ASTN1: variants seen among roughly 807,000 people sequenced by gnomAD.
The protein encoded by ASTN1 is astrotactin-1.
Under a neutral mutation model 140.7 loss-of-function variants are expected in ASTN1, and 41 were observed. That is an observed-to-expected ratio of 0.29 (90% confidence interval 0.23 to 0.38). The LOEUF (loss-of-function observed/expected upper bound fraction) is 0.38. Ranked by LOEUF, ASTN1 falls within the 10% of genes least tolerant of loss-of-function variation. The pLI, the probability that ASTN1 is intolerant of heterozygous loss-of-function variation, is 1.00. For missense variants in ASTN1, 1,479 were observed against 1,678.8 expected (o/e 0.88, Z 2.08); for synonymous variants, 640 against 652.2 (o/e 0.98, Z 0.29).
intron 8 of ASTN1, among the ~76,000 whole-genome samples, chr1:176,968,266 G>C (rs1672972186): frequency 6.6e-6 from 1 of 152,218 alleles, no homozygotes; most frequent in Admixed American, 6.5e-5. Context: ...AGAATCATTT[G>C]TTAAATAAGT....
rs60049769 is a variant in ASTN1 at position 176,953,916 on chromosome 1, A to T, written c.1887+3762T>A. Among the ~76,000 whole-genome samples the T allele has an allele frequency of 3.3e-3, 499 of 152,330 alleles. 3 individuals carry two copies. The highest frequency in any genetic ancestry group is 8.1e-3 in the African/African-American group (336 of 41,576). On this transcript the variant is annotated intron_variant, in intron 11 of 22. Transcript: ENST00000361833. ...ACTTTCAGAATGAGTGTGAAGTTAAAGAAGGAGCATTAGAGCATGGGTTTT... is the reference window on the plus strand; with the variant it reads ...ACTTTCAGAATGAGTGTGAAGTTAATGAAGGAGCATTAGAGCATGGGTTTT...
At chr1:177,120,656 T>C (rs1681339291) in intron 1 of ASTN1, among the ~76,000 whole-genome samples, 2 of 152,198 alleles carry the variant, frequency 1.3e-5, no homozygotes, top group South Asian at 4.1e-4. Flanking sequence ...CAGCACTTTC[T>C]TCTATAATGA....
At chr1:177,030,784 C>A (rs1437848784) in intron 4 of ASTN1, 22 bp downstream of exon 4, 1 of 1,613,758 alleles carries the variant, frequency 6.2e-7, no homozygotes, top group African/African-American at 1.3e-5. Context: ...CACCCACGAG[C>A]CCTAATGTCA....
chr1:176,959,721 G>A (rs148116078), intron 9 of ASTN1, among the ~76,000 whole-genome samples: 297 of 152,252 alleles, frequency 2.0e-3, no homozygotes, highest in African/African-American at 6.9e-3. Flanking sequence ...CAGAGCCACT[G>A]GTAGGAGGGA....
Position 176,863,425 on chromosome 1 carries a change from A to C in ASTN1, c.*859T>G. 15 of 985,864 alleles carry C rather than the reference A, an allele frequency of 1.5e-5. No individual in the cohort carries two copies. Among genetic ancestry groups the C allele is most frequent in the Non-Finnish European group, 1.7e-5 (14 of 829,928 alleles). The allele number at this position is 985,864 out of a possible 1,614,324, so 61.1% of individuals were successfully genotyped here. ...TGGATATATATTGGTAGGCTGGAGA[A>C]GTCTATCCAAAGGAAGCATGGTTTT... On this transcript the variant is annotated 3_prime_UTR_variant, in exon 23 of 23. Transcript: ENST00000361833.
chr1:177,144,345 C>T lies in ASTN1; in HGVS notation c.283+20049G>A, dbSNP rs190927247. Among the ~76,000 whole-genome samples the T allele has an allele frequency of 1.9e-3, 285 of 151,472 alleles. 1 individual carries two copies. The highest frequency in any genetic ancestry group is 6.1e-3 in the African/African-American group (253 of 41,264). ...TCGGCTCACTGCAAACTCCGCCTCC[C>T]GGGTTCACGCCATTCTCCTGCCTCA... On this transcript the variant is annotated intron_variant, in intron 1 of 22. Coordinates refer to ENST00000361833, the MANE Select transcript of ASTN1 (RefSeq NM_004319.3).
chr1:177,032,882 A>G (rs1676520397), intron 2 of ASTN1, 33 bp from the exon 3 acceptor site: 13 of 1,552,578 alleles, frequency 8.4e-6, no homozygotes, highest in African/African-American at 2.7e-5. Flanking sequence ...GGATGTGGGA[A>G]GATGGGTAGG....
chr1:176,997,228 A>G (rs895743036), intron 8 of ASTN1, among the ~76,000 whole-genome samples: 3 of 152,164 alleles, frequency 2.0e-5, no homozygotes, highest in Admixed American at 1.3e-4. Context: ...CTGCAATCCA[A>G]TGAAGCAGGT....
intron 2 of ASTN1, among the ~76,000 whole-genome samples, chr1:177,042,237 T>C (rs937782694): frequency 6.6e-6 from 1 of 152,190 alleles, no homozygotes; most frequent in Non-Finnish European, 1.5e-5. Context: ...TTGTCCCACA[T>C]ATAGAGGTAC....
At chr1:176,925,901 G>A (rs112508178) in intron 16 of ASTN1, among the ~76,000 whole-genome samples, 19,810 of 151,580 alleles carry the variant, frequency 0.13, 1,450 homozygotes, top group Admixed American at 0.19. Context: ...TGCCTCCCGG[G>A]TTCATGCCAT....
intron 2 of ASTN1, among the ~76,000 whole-genome samples, chr1:177,059,926 C>T (rs947197605): frequency 6.6e-6 from 1 of 152,166 alleles, no homozygotes; most frequent in Non-Finnish European, 1.5e-5. Flanking sequence ...TCAGTCAAGT[C>T]TCAACCTGCT....
intron 7 of ASTN1, among the ~76,000 whole-genome samples, chr1:177,018,836 G>A (rs1006085204): frequency 6.6e-6 from 1 of 152,154 alleles, no homozygotes; most frequent in Non-Finnish European, 1.5e-5. Context: ...CTTGCAAAGC[G>A]CAGGGAAAGT....
At chr1:177,129,663 C>G (rs1681846328) in intron 1 of ASTN1, among the ~76,000 whole-genome samples, 1 of 152,230 alleles carries the variant, frequency 6.6e-6, no homozygotes. Flanking sequence ...TGCATTCCAT[C>G]TTCTAATGTT....
At chr1:176,920,662 T>C (rs1670687512) in intron 16 of ASTN1, among the ~76,000 whole-genome samples, 1 of 152,178 alleles carries the variant, frequency 6.6e-6, no homozygotes, top group South Asian at 2.1e-4. Context: ...TTCCTGCTTC[T>C]CCCATGGGTT....
intron 8 of ASTN1, among the ~76,000 whole-genome samples, chr1:176,987,306 A>T (rs1023752764): frequency 5.1e-4 from 77 of 152,266 alleles, no homozygotes; most frequent in African/African-American, 1.9e-3. Context: ...AGCCATGGCC[A>T]ATATATATAT....
intron 1 of ASTN1, among the ~76,000 whole-genome samples, chr1:177,061,737 T>C (rs1038706833): frequency 6.6e-6 from 1 of 152,230 alleles, no homozygotes; most frequent in Non-Finnish European, 1.5e-5. Flanking sequence ...TATGGAATAG[T>C]CCTGGGAGGT....
intron 1 of ASTN1, among the ~76,000 whole-genome samples, chr1:177,074,642 A>G (rs1477864394): frequency 6.6e-6 from 1 of 152,236 alleles, no homozygotes; most frequent in African/African-American, 2.4e-5. Flanking sequence ...CCTTGCAGAC[A>G]AGAATCTTTT....
chr1:177,030,939 G>A lies in ASTN1; in HGVS notation c.879C>T (p.Ala293=). 6.2e-7 allele frequency: 1 copy of A among 1,612,956 alleles called. No homozygotes were observed. Among genetic ancestry groups the A allele is most frequent in the Non-Finnish European group, 8.5e-7 (1 of 1,179,440 alleles). Residue 293 remains alanine (A), a synonymous_variant, in exon 4 of 23, where the codon GCC becomes GCT. Transcript: ENST00000361833. ...TATACTTGTTCATCAGTGACAGCTTGGCATTGTCACTTCCTGTATAAGGAA... is the reference window on the plus strand; with the variant it reads ...TATACTTGTTCATCAGTGACAGCTTAGCATTGTCACTTCCTGTATAAGGAA... ...GMDLTPGSDN[A]KLSLMNKYKD... is the part of the protein sequence containing the mutation.
At chr1:176,883,137 T>C (rs1668880780) in intron 19 of ASTN1, 143 bp from the exon 20 acceptor site, 2 of 1,201,308 alleles carry the variant, frequency 1.7e-6, no homozygotes, top group African/African-American at 1.5e-5. Flanking sequence ...TTAGAAGGAA[T>C]GGCCTTTTCT....
Sources: allele counts gnomAD v4.1 joint callset (sites outside exome capture counted in the v4.1 genomes callset), GRCh38; gene constraint gnomAD v4.1.1; transcripts MANE v1.5; gene names NCBI Gene and HGNC (gene_info 2026-07-23, HGNC 2026-07-21).